RPS6KA2: variants seen among roughly 807,000 people sequenced by gnomAD.
RPS6KA2 encodes the protein ribosomal protein S6 kinase alpha-2.
A neutral mutation model predicts 91.8 loss-of-function variants in RPS6KA2; 42 were observed. The observed-to-expected ratio is 0.46, with a 90% CI of 0.36 to 0.59. The LOEUF (loss-of-function observed/expected upper bound fraction) is 0.59, where lower values mean the gene tolerates loss of function less well. RPS6KA2 is among the 20% of genes least tolerant of loss of function. The pLI is 0.00. For missense variants in RPS6KA2, 798 were observed against 978.5 expected, an observed-to-expected ratio of 0.82 and a Z score of 2.46; for synonymous variants, 414 against 393.6, an observed-to-expected ratio of 1.05 and a Z score of -0.61.
At chr6:166,632,940 C>T (rs1053292305) in intron 2 of RPS6KA2, among the ~76,000 whole-genome samples, 11 of 152,150 alleles carry the variant, frequency 7.2e-5, no homozygotes, top group African/African-American at 2.4e-4. Context: ...CGGGGCCGGG[C>T]GCAGGGGCTC....
At chr6:166,525,256 T>C (rs1782984852) in intron 3 of RPS6KA2, among the ~76,000 whole-genome samples, 2 of 152,232 alleles carry the variant, frequency 1.3e-5, no homozygotes, top group Admixed American at 1.3e-4. Flanking sequence ...GAATGCATTA[T>C]ATAGAACGGT....
chr6:166,840,085 A>G (rs773901191), intron 2 of RPS6KA2, among the ~76,000 whole-genome samples: 23 of 152,134 alleles, frequency 1.5e-4, no homozygotes, highest in Non-Finnish European at 2.8e-4. Flanking sequence ...TTTGAAAGTG[A>G]ACACTGGAAA....
At chr6:166,425,316 G>A (rs1778870915) in intron 16 of RPS6KA2, among the ~76,000 whole-genome samples, 1 of 151,732 alleles carries the variant, frequency 6.6e-6, no homozygotes, top group African/African-American at 2.4e-5. Context: ...AACATGGAAA[G>A]GAACAACAGG....
intron 14 of RPS6KA2, among the ~76,000 whole-genome samples, chr6:166,443,280 G>A (rs1779576298): frequency 6.6e-6 from 1 of 152,184 alleles, no homozygotes; most frequent in African/African-American, 2.4e-5. Context: ...GGCACTCACA[G>A]CTGCAGACCT....
chr6:166,422,570 C>T (rs1239716736), intron 17 of RPS6KA2, among the ~76,000 whole-genome samples: 5 of 152,204 alleles, frequency 3.3e-5, no homozygotes, highest in Non-Finnish European at 7.4e-5. Context: ...CTCTTTACCA[C>T]TGGCTTTTCT....
Position 166,434,580 on chromosome 6 carries a change from G to A in RPS6KA2, c.1333-2090C>T, listed in dbSNP as rs555817618. ...TCTGCCTGTGGGCATCCCGTCTATC[G>A]GGGCCGGGATCCTGTCTTTGCAATT... is the stretch of plus-strand genomic sequence containing the variant. On this transcript the variant is annotated intron_variant, in intron 14 of 20. Coordinates refer to ENST00000265678, the MANE Select transcript of RPS6KA2 (RefSeq NM_021135.6). This position sits in a 1 kb window ranked among gnomAD's most constrained non-coding sequence, Gnocchi z 4.4. 5.3e-5 allele frequency among the ~76,000 whole-genome samples: 8 copies of A among 152,162 alleles called. No individual in the cohort carries two copies. The highest frequency in any genetic ancestry group is 1.0e-4 in the Non-Finnish European group (7 of 68,032).
chr6:166,604,434 T>A lies in RPS6KA2; in HGVS notation c.99+22487A>T, dbSNP rs1785866261. Among the ~76,000 whole-genome samples, 3 of 151,952 alleles carry A rather than the reference T, an allele frequency of 2.0e-5. No homozygotes were observed. The South Asian group carries it at 6.2e-4, about 32-fold the overall frequency. ...GAAATTAATAAAGACATAAACTCCA[T>A]GTTTTATAATGCCCAGAGTGGTGCG... On this transcript the variant is annotated intron_variant, in intron 1 of 20. Transcript: ENST00000265678.
rs151025290 is a variant in RPS6KA2, at chr6:166,491,528, T to C, written c.748-787A>G. Reference sequence around the variant, plus strand: ...AGCAGGAACCAATCTTTTCATAAAATAAGACCCTGAATCTAAGTGGAATGT... The same window carrying C: ...AGCAGGAACCAATCTTTTCATAAAACAAGACCCTGAATCTAAGTGGAATGT... On this transcript the variant is annotated intron_variant, in intron 8 of 20. Coordinates refer to ENST00000265678, the MANE Select transcript of RPS6KA2 (RefSeq NM_021135.6). 2.4e-4 allele frequency among the ~76,000 whole-genome samples: 36 copies of C among 152,318 alleles called. No homozygotes were observed. In the East Asian group the frequency reaches 6.5e-3, roughly 28 times the overall value.
intron 12 of RPS6KA2, 102 bp from the exon 13 acceptor site, chr6:166,451,335 G>A (rs996094040): frequency 7.7e-6 from 7 of 909,272 alleles, no homozygotes; most frequent in African/African-American, 1.8e-5. Context: ...GCAAGTCCGT[G>A]TGTGTGTGTG....
chr6:166,469,836 C>A lies in RPS6KA2; in HGVS notation c.972+5G>T. On this transcript the variant is annotated splice_donor_5th_base_variant and intron_variant, in intron 11 of 20. Transcript: ENST00000265678. The stretch of plus-strand genomic sequence containing the variant: ...TGCAGGTGGGGACTGTGGCATGCAA[C>A]TTACGTTCCAGTCTATGGTCACAAA... The A allele has an allele frequency of 6.2e-7, 1 of 1,613,828 alleles. No individual in the cohort carries two copies. Among genetic ancestry groups the A allele is most frequent in the African/African-American group, 1.3e-5 (1 of 75,038 alleles).
intron 1 of RPS6KA2, chr6:166,586,133 G>T: frequency 2.0e-6 from 3 of 1,506,950 alleles, no homozygotes; most frequent in Non-Finnish European, 2.7e-6. Flanking sequence ...AGTAGTAACC[G>T]TAAGGAGGCC....
At chr6:166,417,114 T>C (rs916015740) in intron 19 of RPS6KA2, among the ~76,000 whole-genome samples, 1 of 152,200 alleles carries the variant, frequency 6.6e-6, no homozygotes, top group African/African-American at 2.4e-5. Context: ...AAGCGTCTGA[T>C]GGGCAAACGA....
intron 1 of RPS6KA2, among the ~76,000 whole-genome samples, chr6:166,540,924 C>A (rs1431035514): frequency 6.6e-6 from 1 of 152,220 alleles, no homozygotes; most frequent in African/African-American, 2.4e-5. Context: ...TGTATGCTAT[C>A]TTTTCCCGTC....
intron 11 of RPS6KA2, among the ~76,000 whole-genome samples, chr6:166,466,054 A>C (rs1780509304): frequency 6.6e-6 from 1 of 152,212 alleles, no homozygotes; most frequent in Admixed American, 6.5e-5. Flanking sequence ...CTGATCAATC[A>C]CAAGGACCTC....
chr6:166,415,216 C>T (rs995218619), intron 19 of RPS6KA2, among the ~76,000 whole-genome samples: 1 of 152,192 alleles, frequency 6.6e-6, no homozygotes, highest in African/African-American at 2.4e-5. Context: ...TATTTGATAA[C>T]ATTGACCTTG....
At chr6:166,474,056 C>T (rs1780870730) in intron 10 of RPS6KA2, among the ~76,000 whole-genome samples, 1 of 148,248 alleles carries the variant, frequency 6.7e-6, no homozygotes, top group Non-Finnish European at 1.5e-5. Context: ...CAGGGATGGG[C>T]TAGGGGCTCA....
rs935041856 is a variant in RPS6KA2, at chr6:166,648,244, A to G, written c.124-109460T>C. ...CGCACATGCGCACACACACACATTC[A>G]CACAGGCACACACACTCATGTTCAT... is the stretch of plus-strand genomic sequence containing the variant. On this transcript the variant is annotated intron_variant, in intron 2 of 21. Coordinates refer to the RPS6KA2 transcript ENST00000503859. This position sits in a 1 kb window ranked among gnomAD's most constrained non-coding sequence, Gnocchi z 4.8. 2.7e-5 allele frequency among the ~76,000 whole-genome samples: 4 copies of G among 148,868 alleles called. No individual in the cohort carries two copies. The highest frequency in any genetic ancestry group is 6.0e-5 in the Non-Finnish European group (4 of 67,084).
At chr6:166,664,950 A>C (rs1411879954) in intron 2 of RPS6KA2, among the ~76,000 whole-genome samples, 2 of 152,182 alleles carry the variant, frequency 1.3e-5, no homozygotes, top group Non-Finnish European at 2.9e-5. Context: ...TGAGGATAAG[A>C]GAAAACAAGT....
At chr6:166,657,811 G>A (rs1170935994) in intron 2 of RPS6KA2, among the ~76,000 whole-genome samples, 3 of 152,222 alleles carry the variant, frequency 2.0e-5, no homozygotes, top group Admixed American at 6.5e-5. Context: ...ATACAAATGC[G>A]GACAAGAGGC....
Sources: gnomAD v4.1 joint callset for allele counts (sites outside exome capture counted in the v4.1 genomes callset) on GRCh38, gnomAD v4.1.1 for gene constraint, Gnocchi (gnomAD v3.1) non-coding constraint, MANE v1.5 for transcripts, NCBI Gene and HGNC (gene_info 2026-07-23, HGNC 2026-07-21) for gene names.